Variants in CNBD1 observed in about 807,000 individuals in gnomAD.
CNBD1 encodes cyclic nucleotide-binding domain-containing protein 1.
Under a neutral mutation model 54.4 loss-of-function variants are expected in CNBD1, and 71 were observed. The ratio of observed to expected loss-of-function variants is 1.30; its 90% CI spans 1.08 to 1.59. The LOEUF (loss-of-function observed/expected upper bound fraction) is 1.59, where lower values mean the gene tolerates loss of function less well. Ranked by LOEUF, CNBD1 falls within the 40% of genes most tolerant of loss-of-function variation. The probability of loss-of-function intolerance (pLI) is 0.00; values close to 1 mark genes in which losing one functional copy is unlikely to be tolerated. For synonymous variants in CNBD1, 182 were observed against 170.7 expected, an observed-to-expected ratio of 1.07 and a Z score of -0.51; for missense variants, 659 against 518.0, an observed-to-expected ratio of 1.27 and a Z score of -2.64.
In CNBD1 at chr8:86,883,859, T is replaced by G. The variant is rs574579036; in HGVS notation, c.89-3683T>G. On this transcript the variant is annotated intron_variant, in intron 1 of 10. Coordinates refer to ENST00000518476, the MANE Select transcript of CNBD1 (RefSeq NM_173538.3). ...TATTTTGATAATTTGTTGTAAAACA[T>G]TGCCCCTTTCGGCTGGGCGCGGTGG... Among the ~76,000 whole-genome samples, 293 of 152,272 alleles carry G rather than the reference T, an allele frequency of 1.9e-3. 2 individuals carry two copies. The highest frequency in any genetic ancestry group is 6.8e-3 in the African/African-American group (283 of 41,572).
chr8:86,929,941 C>T (rs971231909), intron 3 of CNBD1, among the ~76,000 whole-genome samples: 3 of 152,130 alleles, frequency 2.0e-5, no homozygotes, highest in Non-Finnish European at 2.9e-5. Flanking sequence ...AGAGCTATTC[C>T]CACTCTCTCT....
At chr8:87,115,774 G>A (rs1046759068) in intron 4 of CNBD1, among the ~76,000 whole-genome samples, 13 of 152,132 alleles carry the variant, frequency 8.5e-5, no homozygotes, top group African/African-American at 1.2e-4. Context: ...CGTATCTCTC[G>A]TATCTCTAAA....
intron 4 of CNBD1, among the ~76,000 whole-genome samples, chr8:86,956,250 G>C (rs1586160568): frequency 6.6e-6 from 1 of 152,280 alleles, no homozygotes; most frequent in East Asian, 1.9e-4. Context: ...AGTATAGTTT[G>C]AAGTCAGGTA....
chr8:87,416,174 C>A (rs984704051), intron 2 of CNBD1, among the ~76,000 whole-genome samples: 1 of 151,758 alleles, frequency 6.6e-6, no homozygotes, highest in African/African-American at 2.4e-5. Context: ...CAAAAACACA[C>A]AAAAAATCCA....
At position 87,182,688 on chromosome 8, in the gene CNBD1, T is replaced by C. The variant is rs1269347236; in HGVS notation, c.432-23305T>C. On this transcript the variant is annotated intron_variant, in intron 4 of 10. Coordinates refer to ENST00000518476, the MANE Select transcript of CNBD1 (RefSeq NM_173538.3). This position sits in a 1 kb window ranked among gnomAD's most constrained non-coding sequence, Gnocchi z 4.1. ...CATATGTTTGCTGCCTGAATGTATG[T>C]CTTCTTTTGAGAAGTGTCTGTTCAT... Among the ~76,000 whole-genome samples the C allele has an allele frequency of 6.6e-6, 1 of 152,174 alleles. No individual in the cohort carries two copies. The highest frequency in any genetic ancestry group is 1.5e-5 in the Non-Finnish European group (1 of 68,026).
intron 6 of CNBD1, among the ~76,000 whole-genome samples, chr8:87,266,889 T>C (rs753273133): frequency 4.6e-5 from 7 of 152,144 alleles, no homozygotes; most frequent in Non-Finnish European, 8.8e-5. Flanking sequence ...TAAAACTTAA[T>C]TTAGGCATCA....
At chr8:87,127,716 C>T (rs1003516109) in intron 4 of CNBD1, among the ~76,000 whole-genome samples, 2 of 152,068 alleles carry the variant, frequency 1.3e-5, no homozygotes, top group African/African-American at 4.8e-5. Flanking sequence ...ACATTTGTTT[C>T]CTATATCCTG....
At chr8:86,908,867 G>C (rs922335889) in intron 3 of CNBD1, among the ~76,000 whole-genome samples, 2 of 145,800 alleles carry the variant, frequency 1.4e-5, no homozygotes, top group Non-Finnish European at 3.0e-5. Context: ...CCAGGTTCAA[G>C]TGATTCTCCA....
chr8:87,168,991 T>C (rs1166270996), intron 4 of CNBD1, among the ~76,000 whole-genome samples: 1 of 152,088 alleles, frequency 6.6e-6, no homozygotes, highest in Non-Finnish European at 1.5e-5. Context: ...TTTTAGCTTT[T>C]TGAAAAATCT....
rs995339210 is a variant in CNBD1, at chr8:87,339,264, C to T, written c.1043-12421C>T. On this transcript the variant is annotated intron_variant, in intron 8 of 10. Coordinates refer to ENST00000518476, the MANE Select transcript of CNBD1 (RefSeq NM_173538.3). Reference sequence around the variant, plus strand: ...GCTAAAACTCCAGGATGTAAAAACTCATAAAAATTCGAGCATCATAGTAAT... The same window carrying T: ...GCTAAAACTCCAGGATGTAAAAACTTATAAAAATTCGAGCATCATAGTAAT... Among the ~76,000 whole-genome samples the T allele has an allele frequency of 3.9e-5, 6 of 152,264 alleles. No individual in the cohort carries two copies. In the South Asian group the frequency reaches 1.0e-3, roughly 26 times the overall value.
At chr8:87,328,466 A>G (rs1003400085) in intron 8 of CNBD1, among the ~76,000 whole-genome samples, 1 of 150,306 alleles carries the variant, frequency 6.7e-6, no homozygotes, top group African/African-American at 2.4e-5. Context: ...GCTTTTCATT[A>G]TATTTAATTG....
chr8:87,320,130 CA>C (rs1361062770), intron 8 of CNBD1, among the ~76,000 whole-genome samples: 1 of 151,908 alleles, frequency 6.6e-6, no homozygotes, highest in Non-Finnish European at 1.5e-5. Flanking sequence ...CTTTTAACTC[CA>C]AAAGAGAAAA....
chr8:87,173,765 T>C (rs998924960), intron 4 of CNBD1, among the ~76,000 whole-genome samples: 1 of 151,890 alleles, frequency 6.6e-6, no homozygotes, highest in Non-Finnish European at 1.5e-5. Flanking sequence ...TGCTTGGTGT[T>C]CTATAACCTT....
chr8:87,188,544 A>G (rs935435858), intron 4 of CNBD1, among the ~76,000 whole-genome samples: 5 of 152,106 alleles, frequency 3.3e-5, no homozygotes, highest in African/African-American at 1.2e-4. Context: ...AGCCTGGCCA[A>G]CATGGCGAAA....
intron 4 of CNBD1, among the ~76,000 whole-genome samples, chr8:87,071,299 T>C (rs1453721367): frequency 6.6e-6 from 1 of 152,160 alleles, no homozygotes; most frequent in African/African-American, 2.4e-5. Flanking sequence ...CACTACTGCA[T>C]ACTATAGTTC....
At chr8:87,184,159 C>A (rs947469895) in intron 4 of CNBD1, among the ~76,000 whole-genome samples, 3 of 152,156 alleles carry the variant, frequency 2.0e-5, no homozygotes, top group South Asian at 2.1e-4. Context: ...ATGCTGCAGG[C>A]AGGTTTGTGC....
intron 4 of CNBD1, among the ~76,000 whole-genome samples, chr8:87,008,739 A>C (rs1270569617): frequency 1.3e-5 from 2 of 152,220 alleles, no homozygotes; most frequent in South Asian, 2.1e-4. Context: ...TTGTGCCAGA[A>C]TGTTCCTGTA....
In CNBD1 at chr8:87,116,141, C is replaced by G. The variant is rs77216272; in HGVS notation, c.432-89852C>G. The stretch of plus-strand genomic sequence containing the variant: ...CTACAAATTTTGTCCTGGTCTCCTT[C>G]TCTTCTTTGTCTGTCTGTCTATATT... On this transcript the variant is annotated intron_variant, in intron 4 of 10. Transcript: ENST00000518476. Among the ~76,000 whole-genome samples, 680 of 149,472 alleles carry G rather than the reference C, an allele frequency of 4.5e-3. 13 individuals are homozygous for G. Among genetic ancestry groups the G allele is most frequent in the African/African-American group, 0.016 (659 of 40,612 alleles).
At chr8:87,076,759 A>G (rs993654998) in intron 4 of CNBD1, among the ~76,000 whole-genome samples, 3 of 152,192 alleles carry the variant, frequency 2.0e-5, no homozygotes, top group African/African-American at 7.2e-5. Context: ...TAATTACATT[A>G]GCTAACCACT....
Sources: gnomAD v4.1 joint callset for allele counts (sites outside exome capture counted in the v4.1 genomes callset) on GRCh38, gnomAD v4.1.1 for gene constraint, Gnocchi (gnomAD v3.1) non-coding constraint, MANE v1.5 for transcripts, NCBI Gene and HGNC (gene_info 2026-07-23, HGNC 2026-07-21) for gene names.